Variants in KAT14 observed in about 807,000 individuals in gnomAD.
KAT14 encodes cysteine-rich protein 2-binding protein.
A neutral mutation model predicts 78.4 loss-of-function variants in KAT14; 66 were observed. The ratio of observed to expected loss-of-function variants is 0.84; its 90% CI spans 0.69 to 1.03. The LOEUF is 1.03. Among genes scored for constraint, KAT14 ranks in the 50% least tolerant of loss-of-function variants. The pLI, the probability that KAT14 is intolerant of heterozygous loss-of-function variation, is 0.00. For missense variants in KAT14, 870 were observed against 972.5 expected (o/e 0.89, Z 1.40); for synonymous variants, 344 against 359.4 (o/e 0.96, Z 0.48).
At chr20:18,142,948 G>C in intron 2 of KAT14, 29 bp downstream of exon 2, 2 of 1,604,556 alleles carry the variant, frequency 1.2e-6, no homozygotes, top group Middle Eastern at 1.7e-4. Flanking sequence ...CCTTTGATTT[G>C]TCAATTCCTG....
At chr20:18,137,804 T>G, upstream of KAT14, 1 of 792,026 alleles carries the variant, frequency 1.3e-6, no homozygotes, top group East Asian at 3.4e-5. Context: ...TCTCGATTGC[T>G]CACGCCTGGC....
chr20:18,170,412 C>T (rs1183111472), intron 7 of KAT14, among the ~76,000 whole-genome samples: 1 of 152,232 alleles, frequency 6.6e-6, no homozygotes, highest in East Asian at 1.9e-4. Context: ...TATAAATTAT[C>T]CTGAATCTAC....
chr20:18,152,406 A>G (rs2038081933), intron 4 of KAT14, among the ~76,000 whole-genome samples: 1 of 152,054 alleles, frequency 6.6e-6, no homozygotes, highest in Admixed American at 6.5e-5. Context: ...GTGAAACCCC[A>G]TCTCTACTAA....
chr20:18,170,759 G>C (rs768089938), intron 7 of KAT14, among the ~76,000 whole-genome samples: 1 of 152,080 alleles, frequency 6.6e-6, no homozygotes, highest in Non-Finnish European at 1.5e-5. Flanking sequence ...GGAGGGCCTC[G>C]ATCTCCTGAC....
chr20:18,142,869 A>G lies in KAT14; in HGVS notation c.209A>G (p.Glu70Gly). 1 of 1,614,194 alleles carries G rather than the reference A, an allele frequency of 6.2e-7. No individual in the cohort carries two copies. Among genetic ancestry groups the G allele is most frequent in the Non-Finnish European group, 8.5e-7 (1 of 1,180,038 alleles). Residue 70 changes from glutamate (E) to glycine (G), a missense_variant, in exon 2 of 11, where the codon GAG becomes GGG. Transcript: ENST00000688188. ...NSDEGDVSWM[E>G]EQLSYFCDKC... ...GATGAAGGAGACGTGTCTTGGATGGAGGAGCAGCTGTCCTACTTCTGTGAC... is the reference window on the plus strand; with the variant it reads ...GATGAAGGAGACGTGTCTTGGATGGGGGAGCAGCTGTCCTACTTCTGTGAC...
At chr20:18,137,840 T>C (rs368166758), upstream of KAT14, 514 of 1,103,098 alleles carry the variant, frequency 4.7e-4, 4 homozygotes, top group East Asian at 0.016. Flanking sequence ...ACGCGACGGC[T>C]GGGGCTCTGC....
chr20:18,185,806 A>G (rs1165081111), intron 10 of KAT14, among the ~76,000 whole-genome samples: 1 of 152,212 alleles, frequency 6.6e-6, no homozygotes, highest in African/African-American at 2.4e-5. Flanking sequence ...ATTTTTAATG[A>G]AACTTGCTTA....
chr20:18,165,160 A>T (rs2038594691), intron 7 of KAT14, among the ~76,000 whole-genome samples: 1 of 152,198 alleles, frequency 6.6e-6, no homozygotes, highest in Non-Finnish European at 1.5e-5. Context: ...TTTGACTTAC[A>T]GTGTTAATTA....
chr20:18,169,918 A>G (rs1350990074), intron 7 of KAT14, among the ~76,000 whole-genome samples: 2 of 152,300 alleles, frequency 1.3e-5, no homozygotes, highest in Middle Eastern at 3.4e-3. Context: ...GATATGGAGA[A>G]AGTTTGAGTG....
At chr20:18,180,154 C>T (rs2039196710) in intron 7 of KAT14, among the ~76,000 whole-genome samples, 1 of 152,164 alleles carries the variant, frequency 6.6e-6, no homozygotes, top group Non-Finnish European at 1.5e-5. Context: ...CAGGCATGAG[C>T]CACCATGCCT....
At chr20:18,184,485 G>GT (rs374086894) in intron 9 of KAT14, 117 bp from the exon 10 acceptor site, 129,280 of 596,096 alleles carry the variant, frequency 0.22, 11,988 homozygotes, top group Admixed American at 0.24. Flanking sequence ...CAGTTTTGGT[G>GT]TTTTTTTTTT....
At chr20:18,163,764 T>C (rs1008958574) in intron 7 of KAT14, among the ~76,000 whole-genome samples, 1 of 152,180 alleles carries the variant, frequency 6.6e-6, no homozygotes, top group African/African-American at 2.4e-5. Context: ...TCTTTCCTTG[T>C]GCTGGACATG....
intron 7 of KAT14, among the ~76,000 whole-genome samples, chr20:18,164,077 T>C (rs765483038): frequency 3.9e-5 from 6 of 152,214 alleles, no homozygotes; most frequent in Non-Finnish European, 5.9e-5. Context: ...TCTACTAAAA[T>C]GGGCAGTGGA....
intron 2 of KAT14, 164 bp downstream of exon 2, chr20:18,143,083 G>C: frequency 7.1e-7 from 1 of 1,407,306 alleles, no homozygotes. Context: ...AGGCATGTTT[G>C]TACTAATGAA....
intron 7 of KAT14, among the ~76,000 whole-genome samples, chr20:18,176,172 C>T (rs1044600597): frequency 2.0e-5 from 3 of 151,840 alleles, no homozygotes; most frequent in Non-Finnish European, 4.4e-5. Flanking sequence ...CATGCTGGCG[C>T]GTGCCTGTAG....
At chr20:18,138,695 AT>A (rs552486516) in intron 1 of KAT14, among the ~76,000 whole-genome samples, 40 of 148,212 alleles carry the variant, frequency 2.7e-4, no homozygotes, top group South Asian at 4.3e-4. Flanking sequence ...CAGTCTCCAG[AT>A]TTTTTTTTTT....
chr20:18,183,565 A>G, intron 9 of KAT14: 2 of 979,814 alleles, frequency 2.0e-6, no homozygotes, highest in Non-Finnish European at 2.4e-6. Flanking sequence ...TTGCTTCTGC[A>G]TATGTTTAGA....
intron 2 of KAT14, chr20:18,143,152 A>G: frequency 1.6e-6 from 2 of 1,243,238 alleles, no homozygotes; most frequent in Non-Finnish European, 2.0e-6. Flanking sequence ...AACTCAATAA[A>G]ATTGAGAAAA....
intron 2 of KAT14, among the ~76,000 whole-genome samples, chr20:18,144,156 A>G (rs2037726879): frequency 1.3e-5 from 2 of 152,262 alleles, no homozygotes. Flanking sequence ...TGTTTTTCTT[A>G]AAATGGGTTC....
Sources: allele counts gnomAD v4.1 joint callset (sites outside exome capture counted in the v4.1 genomes callset), GRCh38; gene constraint gnomAD v4.1.1; transcripts MANE v1.5; gene names NCBI Gene and HGNC (gene_info 2026-07-23, HGNC 2026-07-21).